The following NIBAN2 variants were observed in gnomAD, a reference collection of about 807,000 sequenced individuals.
The protein encoded by NIBAN2 is protein Niban 2.
In NIBAN2, 36 loss-of-function variants were observed where a neutral mutation model predicts 81.8. That is an observed-to-expected ratio of 0.44 (90% CI 0.34 to 0.58). NIBAN2 has a LOEUF of 0.58. NIBAN2 is among the 20% of genes least tolerant of loss of function. The pLI, the probability that NIBAN2 is intolerant of heterozygous loss-of-function variation, is 0.02. For synonymous variants in NIBAN2, 445 were observed against 441.6 expected, an observed-to-expected ratio of 1.01 and a Z score of -0.10; for missense variants, 897 against 1,014.1, an observed-to-expected ratio of 0.88 and a Z score of 1.57.
intron 1 of NIBAN2, among the ~76,000 whole-genome samples, chr9:127,543,894 G>C (rs908262278): frequency 1.1e-4 from 16 of 152,238 alleles, no homozygotes; most frequent in Non-Finnish European, 2.2e-4. Flanking sequence ...GCCAGGCACA[G>C]AGGCAGATCC....
chr9:127,513,309 C>G (rs975611614), intron 8 of NIBAN2, among the ~76,000 whole-genome samples: 1 of 151,832 alleles, frequency 6.6e-6, no homozygotes, highest in Non-Finnish European at 1.5e-5. Context: ...TAGTCGAGGG[C>G]GAGGGGGAGA....
chr9:127,535,446 T>G (rs1423675122), intron 1 of NIBAN2, among the ~76,000 whole-genome samples: 1 of 151,394 alleles, frequency 6.6e-6, no homozygotes, highest in Non-Finnish European at 1.5e-5. Context: ...AAGGCCCAAG[T>G]TGGGCAGGCT....
intron 5 of NIBAN2, among the ~76,000 whole-genome samples, chr9:127,520,735 T>G (rs1836922397): frequency 6.6e-6 from 1 of 151,736 alleles, no homozygotes. Flanking sequence ...CTACAAAAAA[T>G]TAGCCAGGTG....
intron 1 of NIBAN2, among the ~76,000 whole-genome samples, chr9:127,540,964 C>T (rs1430514130): frequency 4.6e-5 from 7 of 152,232 alleles, no homozygotes; most frequent in African/African-American, 9.6e-5. Context: ...GTGGGGCAGG[C>T]TCAGAACCTG....
At chr9:127,514,803 A>C (rs145059821) in intron 8 of NIBAN2, among the ~76,000 whole-genome samples, 37 of 152,344 alleles carry the variant, frequency 2.4e-4, no homozygotes, top group African/African-American at 7.9e-4. Context: ...TGTTCCACAC[A>C]AGAAATGTCA....
intron 2 of NIBAN2, among the ~76,000 whole-genome samples, 158 bp downstream of exon 2, chr9:127,531,490 G>GA (rs5900751): frequency 5.9e-5 from 9 of 151,680 alleles, no homozygotes; most frequent in African/African-American, 2.2e-4. Context: ...TCTCAAAAAA[G>GA]AAAAAAATAA....
chr9:127,575,131 T>TC (rs1239898583), intron 1 of NIBAN2, among the ~76,000 whole-genome samples: 1 of 150,478 alleles, frequency 6.6e-6, no homozygotes, highest in Non-Finnish European at 1.5e-5. Flanking sequence ...TGCCAGTCCC[T>TC]CCCCCCACTT....
Position 127,506,785 on chromosome 9 carries a change from C to T in NIBAN2, c.*60G>A. 6.8e-7 allele frequency: 1 copy of T among 1,477,420 alleles called. No individual in the cohort carries two copies. 91.5% of individuals were successfully genotyped at this position (1,477,420 alleles called of 1,614,324 possible). On this transcript the variant is annotated 3_prime_UTR_variant, in exon 14 of 14. Transcript: ENST00000373312. The stretch of plus-strand genomic sequence containing the variant: ...CCAGGGTGCCCTCCCCAGAGCTGAG[C>T]CTGCCTGGGTCCGGAAGGGAACGGC...
chr9:127,512,694 C>T (rs963121726), intron 8 of NIBAN2, among the ~76,000 whole-genome samples: 4 of 152,146 alleles, frequency 2.6e-5, no homozygotes, highest in African/African-American at 7.2e-5. Context: ...GGCTGTGTCA[C>T]GAGTGCGTGT....
At position 127,508,440 on chromosome 9, in the gene NIBAN2, G is replaced by A. The variant is rs1444429713; in HGVS notation, c.1416C>T (p.Val472=). 2.1e-5 allele frequency: 34 copies of A among 1,612,298 alleles called. No homozygotes were observed. The highest frequency in any genetic ancestry group is 2.7e-5 in the Non-Finnish European group (32 of 1,179,904). Residue 472 remains valine (V), a synonymous_variant, in exon 11 of 14, where the codon GTC becomes GTT. Coordinates refer to ENST00000373312, the MANE Select transcript of NIBAN2 (RefSeq NM_022833.4). This position sits in a 1 kb window ranked among gnomAD's most constrained non-coding sequence, Gnocchi z 6.4. ...KEELCKSIQR[V]LERVLKKYDY... is the part of the protein sequence containing the mutation. ...CGCTCACCTTCAGCACCCGCTCCAGGACCCGCTGGATGGACTTGCACAGCT... is the reference window on the plus strand; with the variant it reads ...CGCTCACCTTCAGCACCCGCTCCAGAACCCGCTGGATGGACTTGCACAGCT...
intron 1 of NIBAN2, among the ~76,000 whole-genome samples, chr9:127,539,819 G>A (rs530511232): frequency 6.0e-4 from 92 of 152,272 alleles, no homozygotes; most frequent in Non-Finnish European, 1.1e-3. Context: ...TGCAAACAGG[G>A]CACCATTTCT....
intron 5 of NIBAN2, 30 bp downstream of exon 5, chr9:127,523,649 C>A: frequency 6.3e-7 from 1 of 1,591,346 alleles, no homozygotes; most frequent in African/African-American, 1.3e-5. Context: ...CCCCTCCCTC[C>A]CACCGACCCT....
intron 1 of NIBAN2, among the ~76,000 whole-genome samples, chr9:127,567,173 C>T (rs565585628): frequency 6.6e-6 from 1 of 152,190 alleles, no homozygotes; most frequent in South Asian, 2.1e-4. Context: ...GACGGGAAGA[C>T]AGGGAGGCCC....
In NIBAN2 at chr9:127,528,162, C is replaced by T. The variant is rs568321396; in HGVS notation, c.187-840G>A. 6.8e-4 allele frequency among the ~76,000 whole-genome samples: 104 copies of T among 152,264 alleles called. 1 individual carries two copies. Among genetic ancestry groups the T allele is most frequent in the African/African-American group, 2.2e-3 (90 of 41,540 alleles). On this transcript the variant is annotated intron_variant, in intron 2 of 13. Transcript: ENST00000373312. The stretch of plus-strand genomic sequence containing the variant: ...CTACGGTAGGACTCAGCGTCTGTGA[C>T]GACCTCCAATCCTCAGGGACTGACT...
rs565225878 is a variant in NIBAN2, at chr9:127,565,680, G to A, written c.55+3140C>T. 5.9e-5 allele frequency among the ~76,000 whole-genome samples: 9 copies of A among 151,628 alleles called. No individual in the cohort carries two copies. The East Asian group carries it at 1.8e-3, about 30-fold the overall frequency. ...ATGGTGGTGTGTACCTGTAACAGAG[G>A]GCTGAAGCAGGAGAATCACTTGAAC... is the stretch of plus-strand genomic sequence containing the variant. On this transcript the variant is annotated intron_variant, in intron 1 of 13. Coordinates refer to ENST00000373312, the MANE Select transcript of NIBAN2 (RefSeq NM_022833.4).
intron 3 of NIBAN2, among the ~76,000 whole-genome samples, chr9:127,526,776 C>G (rs1308172267): frequency 6.6e-6 from 1 of 152,096 alleles, no homozygotes; most frequent in South Asian, 2.1e-4. Context: ...GGCAAGCCAC[C>G]GCAAGGAATG....
chr9:127,565,946 T>TCTCTCTCACACACACACACA (rs751937125), intron 1 of NIBAN2, among the ~76,000 whole-genome samples: 6 of 130,558 alleles, frequency 4.6e-5, no homozygotes, highest in African/African-American at 1.9e-4. Flanking sequence ...TCTCTCTCTC[T>TCTCTCTCACACACACACACA]CACACACACA....
chr9:127,558,688 C>T (rs1837719826), intron 1 of NIBAN2, among the ~76,000 whole-genome samples: 1 of 152,232 alleles, frequency 6.6e-6, no homozygotes, highest in East Asian at 1.9e-4. Context: ...CTTTTCTACC[C>T]TTCGCCTCCC....
intron 1 of NIBAN2, among the ~76,000 whole-genome samples, chr9:127,547,855 CAAAA>C (rs929553082): frequency 2.0e-5 from 3 of 151,874 alleles, no homozygotes; most frequent in Non-Finnish European, 4.4e-5. Context: ...AAAAAACAAA[CAAAA>C]AAAACCCAGC....
Sources: allele counts gnomAD v4.1 joint callset (sites outside exome capture counted in the v4.1 genomes callset), GRCh38; gene constraint gnomAD v4.1.1; non-coding constraint Gnocchi (gnomAD v3.1); transcripts MANE v1.5; gene names NCBI Gene and HGNC (gene_info 2026-07-23, HGNC 2026-07-21).